CALCRL: variants seen among roughly 807,000 people sequenced by gnomAD.
The protein encoded by CALCRL is calcitonin gene-related peptide type 1 receptor.
In CALCRL, 27 loss-of-function variants were observed where a neutral mutation model predicts 60.4. That is an observed-to-expected ratio of 0.45 (90% confidence interval 0.33 to 0.62). The LOEUF (loss-of-function observed/expected upper bound fraction) is 0.62. Among genes scored for constraint, CALCRL ranks in the 20% least tolerant of loss-of-function variants. The pLI is 0.03. For synonymous variants in CALCRL, 190 were observed against 182.6 expected, an observed-to-expected ratio of 1.04 and a Z score of -0.33; for missense variants, 424 against 540.7, an observed-to-expected ratio of 0.78 and a Z score of 2.14.
chr2:187,415,643 G>A, intron 1 of CALCRL: 1 of 615,166 alleles, frequency 1.6e-6, no homozygotes. Flanking sequence ...GCATCGGAGG[G>A]CCCCCTCAAG....
rs769508082 is a variant in CALCRL, at chr2:187,391,021, G to T, written c.-292-3265C>A. On this transcript the variant is annotated intron_variant, in intron 1 of 14. Transcript: ENST00000392370. ...GAGGAATCATCCCTTTCACCAAGAG[G>T]TCTCAAATTCCATAATAGATGAATC... Among the ~76,000 whole-genome samples, 55 of 152,112 alleles carry T rather than the reference G, an allele frequency of 3.6e-4. 1 individual carries two copies. The highest frequency in any genetic ancestry group is 6.9e-4 in the Non-Finnish European group (47 of 68,032).
chr2:187,429,123 A>G (rs1190011207), intron 1 of CALCRL, among the ~76,000 whole-genome samples: 1 of 152,126 alleles, frequency 6.6e-6, no homozygotes. Context: ...ACTGATAACT[A>G]GAAATAGATG....
At chr2:187,382,688 A>G (rs1688030288) in intron 5 of CALCRL, among the ~76,000 whole-genome samples, 1 of 152,148 alleles carries the variant, frequency 6.6e-6, no homozygotes, top group Admixed American at 6.5e-5. Context: ...TTATCCAAAA[A>G]AGCAAAAGAA....
At chr2:187,380,618 T>C in intron 6 of CALCRL, 39 bp from the exon 7 acceptor site, 3 of 1,572,032 alleles carry the variant, frequency 1.9e-6, no homozygotes, top group Non-Finnish European at 1.8e-6. Flanking sequence ...GGAATTTAAT[T>C]AACCTAGGAT....
intron 3 of CALCRL, among the ~76,000 whole-genome samples, 155 bp from the exon 4 acceptor site, chr2:187,385,786 C>T (rs1688181675): frequency 6.7e-6 from 1 of 148,966 alleles, no homozygotes; most frequent in Non-Finnish European, 1.5e-5. Flanking sequence ...AGGTCTCACT[C>T]TGTCACCAAG....
intron 1 of CALCRL, among the ~76,000 whole-genome samples, chr2:187,400,352 A>G (rs1357364606): frequency 6.6e-6 from 1 of 151,500 alleles, no homozygotes; most frequent in African/African-American, 2.4e-5. Context: ...CATACCCACT[A>G]GGATAGATAT....
In CALCRL at chr2:187,387,489, A is replaced by G; in HGVS notation, c.-197T>C. The G allele has an allele frequency of 3.3e-6, 1 of 302,170 alleles. No homozygotes were observed. The highest frequency in any genetic ancestry group is 6.0e-6 in the Non-Finnish European group (1 of 167,460). The allele number at this position is 302,170 out of a possible 1,614,324, so 18.7% of individuals were successfully genotyped here. ...GGCTAGTATGGGTTTTTATTATTAG[A>G]CGATCTTGAGAAAAATATAACCAAA... is the stretch of plus-strand genomic sequence containing the variant. On this transcript the variant is annotated 5_prime_UTR_variant, in exon 3 of 15. Coordinates refer to ENST00000392370, the MANE Select transcript of CALCRL (RefSeq NM_005795.6).
chr2:187,437,396 G>C (rs931596546), intron 1 of CALCRL, among the ~76,000 whole-genome samples: 15 of 152,042 alleles, frequency 9.9e-5, no homozygotes, highest in Non-Finnish European at 2.9e-5. Flanking sequence ...CAAAAAATTA[G>C]CCGGGCGTGA....
intron 1 of CALCRL, among the ~76,000 whole-genome samples, chr2:187,434,990 G>A (rs1373528241): frequency 6.6e-6 from 1 of 152,164 alleles, no homozygotes; most frequent in African/African-American, 2.4e-5. Flanking sequence ...TAGGATAAAG[G>A]TTTACTTCTG....
intron 9 of CALCRL, among the ~76,000 whole-genome samples, chr2:187,361,243 G>A (rs67965661): frequency 0.083 from 12,567 of 151,874 alleles, 645 homozygotes; most frequent in South Asian, 0.17. Flanking sequence ...TACATCCATA[G>A]GTTATCCTAT....
intron 1 of CALCRL, among the ~76,000 whole-genome samples, chr2:187,393,957 C>T (rs1043726943): frequency 1.3e-5 from 2 of 152,016 alleles, no homozygotes; most frequent in African/African-American, 4.8e-5. Context: ...CCCTATTCAC[C>T]AGAATCTTTG....
chr2:187,373,047 T>C (rs1216022737), intron 8 of CALCRL, among the ~76,000 whole-genome samples: 3 of 152,182 alleles, frequency 2.0e-5, no homozygotes, highest in Non-Finnish European at 2.9e-5. Flanking sequence ...CCAGACAATC[T>C]TAAGGGACAT....
At chr2:187,435,735 C>A (rs559551999) in intron 1 of CALCRL, among the ~76,000 whole-genome samples, 1 of 152,012 alleles carries the variant, frequency 6.6e-6, no homozygotes, top group Non-Finnish European at 1.5e-5. Flanking sequence ...AGTACTGATC[C>A]TATTTGAAAG....
rs1440166893 is a variant in CALCRL, at chr2:187,360,745, A to G, written c.634T>C (p.Cys212Arg). The G allele has an allele frequency of 6.3e-7, 1 of 1,599,366 alleles. No individual in the cohort carries two copies. Among genetic ancestry groups the G allele is most frequent in the Admixed American group, 1.8e-5 (1 of 56,314 alleles). The stretch of plus-strand genomic sequence containing the variant: ...AGATGAATGAACTGGGACACTTTGC[A>G]ACTAACCTGTGAGGAAAAAAAAAAC... ...QALVATNPVS[C>R]KVSQFIHLYL... is the part of the protein sequence containing the mutation. The change falls in exon 10 of 15, where the codon TGC (cysteine) becomes CGC (arginine). Residue 212 changes from cysteine (C) to arginine (R), a missense_variant. Transcript: ENST00000392370.
intron 8 of CALCRL, among the ~76,000 whole-genome samples, chr2:187,369,083 G>A (rs1283964591): frequency 3.3e-5 from 5 of 152,050 alleles, no homozygotes; most frequent in Non-Finnish European, 7.4e-5. Context: ...AGGTCCTAGA[G>A]GATAAATTAT....
chr2:187,432,294 G>A (rs1177516502), intron 1 of CALCRL, among the ~76,000 whole-genome samples: 2 of 152,084 alleles, frequency 1.3e-5, no homozygotes, highest in East Asian at 3.9e-4. Flanking sequence ...ACCTTGCTTT[G>A]CATTTACACA....
chr2:187,394,539 T>C (rs1473629987), intron 1 of CALCRL, among the ~76,000 whole-genome samples: 1 of 152,084 alleles, frequency 6.6e-6, no homozygotes, highest in Non-Finnish European at 1.5e-5. Context: ...GTAGTAACTC[T>C]GCTTCCCAAC....
chr2:187,365,810 A>G (rs1687251218), intron 8 of CALCRL, among the ~76,000 whole-genome samples: 1 of 151,626 alleles, frequency 6.6e-6, no homozygotes, highest in South Asian at 2.1e-4. Flanking sequence ...AGAAAGAAAG[A>G]CTGCATGCTC....
chr2:187,367,356 C>T (rs1687343245), intron 8 of CALCRL, among the ~76,000 whole-genome samples: 1 of 152,078 alleles, frequency 6.6e-6, no homozygotes, highest in African/African-American at 2.4e-5. Context: ...TATTTAGTTT[C>T]TTCCATTTCT....
Sources: gnomAD v4.1 joint callset for allele counts (sites outside exome capture counted in the v4.1 genomes callset) on GRCh38, gnomAD v4.1.1 for gene constraint, MANE v1.5 for transcripts, NCBI Gene and HGNC (gene_info 2026-07-23, HGNC 2026-07-21) for gene names.